The following ADRA1A variants were observed in gnomAD, a reference collection of about 807,000 sequenced individuals.
ADRA1A encodes adrenoceptor alpha 1A.
Under a neutral mutation model 29.6 loss-of-function variants are expected in ADRA1A, and 31 were observed. That is an observed-to-expected ratio of 1.05 (90% confidence interval 0.79 to 1.41). The LOEUF (loss-of-function observed/expected upper bound fraction) is 1.41, where lower values mean the gene tolerates loss of function less well. ADRA1A is among the 40% of genes most tolerant of loss of function. ADRA1A has a pLI of 0.00. For missense variants in ADRA1A, 619 were observed against 601.1 expected (o/e 1.03, Z -0.31); for synonymous variants, 311 against 254.3 (o/e 1.22, Z -2.12).
intron 2 of ADRA1A, among the ~76,000 whole-genome samples, chr8:26,757,514 C>CA (rs1020619837): frequency 4.0e-5 from 6 of 150,454 alleles, no homozygotes; most frequent in South Asian, 4.2e-4. Context: ...CTTCCATTTC[C>CA]CCCACCCCCC....
In ADRA1A at chr8:26,825,221, T is replaced by C. The variant is rs1446519450; in HGVS notation, c.883+38866A>G. Among the ~76,000 whole-genome samples, 2 of 152,168 alleles carry C rather than the reference T, an allele frequency of 1.3e-5. No individual in the cohort carries two copies. Among genetic ancestry groups the C allele is most frequent in the Non-Finnish European group, 2.9e-5 (2 of 68,024 alleles). ...ATCTGTGTTGGGAGAGAGGAGACAG[T>C]TCCTTCTTTAGGGAATGGGGGTCAT... On this transcript the variant is annotated intron_variant, in intron 2 of 2. Transcript: ENST00000380573. This position sits in a 1 kb window ranked among gnomAD's most constrained non-coding sequence, Gnocchi z 5.7.
chr8:26,844,744 G>A (rs1043923007), intron 2 of ADRA1A, among the ~76,000 whole-genome samples: 3 of 152,104 alleles, frequency 2.0e-5, no homozygotes, highest in African/African-American at 7.2e-5. Flanking sequence ...AATGGATCAA[G>A]GACCTAAGTG....
At chr8:26,767,809 G>T (rs1805872543), downstream of ADRA1A, among the ~76,000 whole-genome samples, 1 of 152,162 alleles carries the variant, frequency 6.6e-6, no homozygotes, top group Non-Finnish European at 1.5e-5. Context: ...GGGGGAGTGG[G>T]GCAAGTGATT....
chr8:26,826,483 A>ATAT (rs1810578471), intron 2 of ADRA1A, among the ~76,000 whole-genome samples: 1 of 152,260 alleles, frequency 6.6e-6, no homozygotes, highest in African/African-American at 2.4e-5. Flanking sequence ...TGGTATAAAG[A>ATAT]TGACTACATT....
At chr8:26,850,073 T>C (rs1486134437) in intron 2 of ADRA1A, among the ~76,000 whole-genome samples, 1 of 100,246 alleles carries the variant, frequency 1.0e-5, no homozygotes, top group African/African-American at 4.9e-5. Context: ...GGTATAGGAA[T>C]TGAAATTCCA....
intron 2 of ADRA1A, among the ~76,000 whole-genome samples, chr8:26,789,852 A>T (rs1807687765): frequency 1.3e-5 from 2 of 152,218 alleles, no homozygotes; most frequent in Non-Finnish European, 2.9e-5. Context: ...GCTAACCAAT[A>T]TATAAAAATA....
In ADRA1A at chr8:26,865,528, T is replaced by TACCTGTCTCTTATAC; in HGVS notation, c.-560_-559insGTATAAGAGACAGGT. ...GCGCTGCTCCTGGCCCGCAGTTACC[T>TACCTGTCTCTTATAC]ACATTTTGAGCTGCCCCACCGAAGG... On this transcript the variant is annotated 5_prime_UTR_variant, in exon 2 of 3. The change abolishes the stop of an existing upstream ORF in the 5' untranslated region. Transcript: ENST00000380573. This position sits in a 1 kb window ranked among gnomAD's most constrained non-coding sequence, Gnocchi z 7.6. The TACCTGTCTCTTATAC allele has an allele frequency of 1.0e-6, 1 of 992,154 alleles. No individual in the cohort carries two copies. Among genetic ancestry groups the TACCTGTCTCTTATAC allele is most frequent in the Non-Finnish European group, 1.2e-6 (1 of 834,316 alleles). The allele number at this position is 992,154 out of a possible 1,614,324, so 61.5% of individuals were successfully genotyped here.
intron 2 of ADRA1A, among the ~76,000 whole-genome samples, chr8:26,803,842 A>T (rs1380828222): frequency 1.3e-5 from 2 of 152,050 alleles, no homozygotes; most frequent in Non-Finnish European, 2.9e-5. Flanking sequence ...CATCAGGGAC[A>T]TGCAAATGAA....
chr8:26,854,717 A>G (rs2130761542), intron 2 of ADRA1A: 1 of 152,426 alleles, frequency 6.6e-6, no homozygotes. Context: ...ATGGAGTCAT[A>G]GTCAAACCCT....
chr8:26,836,869 G>A (rs551047089), intron 2 of ADRA1A, among the ~76,000 whole-genome samples: 2 of 152,182 alleles, frequency 1.3e-5, no homozygotes, highest in African/African-American at 2.4e-5. Flanking sequence ...GCAAGTGAAG[G>A]GGAGTGCTTA....
intron 2 of ADRA1A, among the ~76,000 whole-genome samples, chr8:26,842,532 G>A (rs571126790): frequency 1.3e-5 from 2 of 151,974 alleles, no homozygotes; most frequent in African/African-American, 2.4e-5. Flanking sequence ...TTCTCTCCCC[G>A]ACCTTCTGTA....
In ADRA1A at chr8:26,780,896, C is replaced by A. The variant is rs147015237; in HGVS notation, c.884-10230G>T. On this transcript the variant is annotated intron_variant, in intron 2 of 2. Coordinates refer to ENST00000380573, the MANE Select transcript of ADRA1A (RefSeq NM_000680.4). Reference sequence around the variant, plus strand: ...TGATGATCTGTTGCTGTCTCCATCACCCCCAGATGGGACTGCCTAGTTGCA... The same window carrying A: ...TGATGATCTGTTGCTGTCTCCATCAACCCCAGATGGGACTGCCTAGTTGCA... Among the ~76,000 whole-genome samples, 334 of 152,350 alleles carry A rather than the reference C, an allele frequency of 2.2e-3. 1 individual carries two copies. The highest frequency in any genetic ancestry group is 7.7e-3 in the African/African-American group (322 of 41,588).
In ADRA1A at chr8:26,860,101, G is replaced by T. The variant is rs994238122; in HGVS notation, c.883+3986C>A. Among the ~76,000 whole-genome samples, 9 of 152,004 alleles carry T rather than the reference G, an allele frequency of 5.9e-5. No individual in the cohort carries two copies. Among genetic ancestry groups the T allele is most frequent in the Admixed American group, 5.2e-4 (8 of 15,256 alleles). On this transcript the variant is annotated intron_variant, in intron 2 of 2. Coordinates refer to ENST00000380573, the MANE Select transcript of ADRA1A (RefSeq NM_000680.4). This position sits in a 1 kb window ranked among gnomAD's most constrained non-coding sequence, Gnocchi z 4.7. ...GATTTAAAAGAAGCCCAGTGATTCC[G>T]AGGGCTCCTGTCTACCACCACTTCT...
intron 2 of ADRA1A, among the ~76,000 whole-genome samples, chr8:26,838,286 A>T (rs1163847221): frequency 6.6e-6 from 1 of 152,160 alleles, no homozygotes; most frequent in African/African-American, 2.4e-5. Context: ...CTCTGTATGA[A>T]TCTATATCTG....
Position 26,866,407 on chromosome 8 carries a change from GC to G in ADRA1A, c.-687+528del, listed in dbSNP as rs1198991907. Among the ~76,000 whole-genome samples the G allele has an allele frequency of 6.6e-6, 1 of 152,206 alleles. No homozygotes were observed. The highest frequency in any genetic ancestry group is 1.5e-5 in the Non-Finnish European group (1 of 68,044). On this transcript the variant is annotated intron_variant, in intron 1 of 2. Coordinates refer to ENST00000380573, the MANE Select transcript of ADRA1A (RefSeq NM_000680.4). This position sits in a 1 kb window ranked among gnomAD's most constrained non-coding sequence, Gnocchi z 5.7. ...GGGAGGACGTCCCTCTGCAGAGGGAGCTTTGCAAGTGACAGTCACTGCGGAT... is the reference window on the plus strand; with the variant it reads ...GGGAGGACGTCCCTCTGCAGAGGGAGTTTGCAAGTGACAGTCACTGCGGAT...
At position 26,848,432 on chromosome 8, in the gene ADRA1A, AG is replaced by A. The variant is rs1179971282; in HGVS notation, c.883+15654del. ...GATTCATGCCCTTATACAAAGAGGA[AG>A]GTACCAGAGAGCTCTCTCTCTCTCT... On this transcript the variant is annotated intron_variant, in intron 2 of 2. Transcript: ENST00000380573. The surrounding 1 kb of genome is among the most constrained non-coding windows in gnomAD (Gnocchi z 4.3). Among the ~76,000 whole-genome samples the A allele has an allele frequency of 2.6e-5, 4 of 152,116 alleles. No homozygotes were observed. The highest frequency in any genetic ancestry group is 4.4e-5 in the Non-Finnish European group (3 of 68,006).
chr8:26,782,022 C>T (rs143873427), intron 2 of ADRA1A, among the ~76,000 whole-genome samples: 9 of 152,330 alleles, frequency 5.9e-5, no homozygotes, highest in Non-Finnish European at 1.2e-4. Flanking sequence ...TGGACAGTTC[C>T]GGGTCCTCTC....
chr8:26,844,668 G>A (rs1337561815), intron 2 of ADRA1A, among the ~76,000 whole-genome samples: 1 of 152,068 alleles, frequency 6.6e-6, no homozygotes, highest in Non-Finnish European at 1.5e-5. Flanking sequence ...TTGGACAATT[G>A]GATTTCTACA....
At chr8:26,859,535 G>A (rs1205095606) in intron 2 of ADRA1A, among the ~76,000 whole-genome samples, 2 of 152,212 alleles carry the variant, frequency 1.3e-5, no homozygotes, top group African/African-American at 4.8e-5. Context: ...TAACTAGACT[G>A]TGAGGCCCTT....
Sources: gnomAD v4.1 joint callset for allele counts (sites outside exome capture counted in the v4.1 genomes callset) on GRCh38, gnomAD v4.1.1 for gene constraint, Gnocchi (gnomAD v3.1) non-coding constraint, MANE v1.5 for transcripts, NCBI Gene and HGNC (gene_info 2026-07-23, HGNC 2026-07-21) for gene names.